XRCC5: variants seen among roughly 807,000 people sequenced by gnomAD.
The protein encoded by XRCC5 is X-ray repair cross complementing 5, also known as DNA repair protein Ku80.
In XRCC5, 12 loss-of-function variants were observed where a neutral mutation model predicts 95.7. The observed-to-expected ratio is 0.13, with a 90% CI of 0.08 to 0.20. XRCC5 has a LOEUF of 0.20. Ranked by LOEUF, XRCC5 falls within the 10% of genes least tolerant of loss-of-function variation. The pLI is 1.00. For missense variants in XRCC5, 595 were observed against 873.9 expected (o/e 0.68, Z 4.02); for synonymous variants, 281 against 290.3 (o/e 0.97, Z 0.33).
chr2:216,120,602 G>A lies in XRCC5; in HGVS notation c.491+1437G>A, dbSNP rs1012271161. Among the ~76,000 whole-genome samples the A allele has an allele frequency of 5.9e-5, 9 of 151,662 alleles. No homozygotes were observed. The East Asian group carries it at 7.7e-4, about 13-fold the overall frequency. ...ATTTTTAATTTTTTTTTTTAGAAAC[G>A]TCTTCTGTAGTGGCATAGTTATAGC... On this transcript the variant is annotated intron_variant, in intron 5 of 20. Transcript: ENST00000392132.
intron 14 of XRCC5, among the ~76,000 whole-genome samples, chr2:216,155,410 A>G (rs1404688548): frequency 6.6e-6 from 1 of 152,180 alleles, no homozygotes; most frequent in East Asian, 1.9e-4. Context: ...GAGATCTTCA[A>G]TCTCAATTAG....
intron 10 of XRCC5, among the ~76,000 whole-genome samples, chr2:216,133,040 C>T (rs1697019494): frequency 6.6e-6 from 1 of 152,050 alleles, no homozygotes. Context: ...ATGTAGAAGG[C>T]TTGTTTGGGG....
chr2:216,188,023 C>G (rs1391932188), intron 16 of XRCC5, among the ~76,000 whole-genome samples: 1 of 152,044 alleles, frequency 6.6e-6, no homozygotes, highest in African/African-American at 2.4e-5. Context: ...CACACACTTT[C>G]TCTTCTTGGA....
intron 8 of XRCC5, chr2:216,127,966 G>A (rs965659610): frequency 5.2e-5 from 9 of 173,760 alleles, no homozygotes; most frequent in African/African-American, 2.1e-4. Flanking sequence ...CTAGCTAGGA[G>A]CATGTTTAAT....
In XRCC5 at chr2:216,127,547, G is replaced by A; in HGVS notation, c.810G>A (p.Glu270=). The A allele has an allele frequency of 6.3e-7, 1 of 1,598,984 alleles. No homozygotes were observed. The highest frequency in any genetic ancestry group is 1.1e-5 in the South Asian group (1 of 87,714). Residue 270 remains glutamate (E), a synonymous_variant, in exon 8 of 21, where the codon GAG becomes GAA. Coordinates refer to ENST00000392132, the MANE Select transcript of XRCC5 (RefSeq NM_021141.4). ...TTTTGGAATGTAAGATTCTACAGGA[G>A]AGAGTTAAAAAGACTTGGACAGTTG... ...RIAAYKSILQ[E]RVKKTWTVVD... is the part of the protein sequence containing the mutation.
At chr2:216,164,068 A>G (rs779347852) in intron 16 of XRCC5, among the ~76,000 whole-genome samples, 1 of 152,250 alleles carries the variant, frequency 6.6e-6, no homozygotes, top group Non-Finnish European at 1.5e-5. Flanking sequence ...GGAGTGATCA[A>G]GACACTTTCA....
At chr2:216,140,203 T>G (rs1319670509) in intron 12 of XRCC5, among the ~76,000 whole-genome samples, 5 of 152,238 alleles carry the variant, frequency 3.3e-5, no homozygotes, top group African/African-American at 1.2e-4. Flanking sequence ...AAATATCTGA[T>G]GATAAATATC....
Position 216,190,279 on chromosome 2 carries a change from C to G in XRCC5, c.1889C>G (p.Pro630Arg), listed in dbSNP as rs751167067. The change falls in exon 17 of 21, where the codon CCG becomes CGG. Residue 630 changes from proline to arginine, a missense_variant. Coordinates refer to ENST00000392132, the MANE Select transcript of XRCC5 (RefSeq NM_021141.4). ...CAGTTTTTGGATACTAATGAAACAC[C>G]GTATTTTATGAAGAGCATAGACTGC... The part of the protein sequence containing the change: ...IEQFLDTNET[P>R]YFMKSIDCIR... The G allele has an allele frequency of 6.2e-7, 1 of 1,613,916 alleles. No homozygotes were observed. Among genetic ancestry groups the G allele is most frequent in the Non-Finnish European group, 8.5e-7 (1 of 1,179,902 alleles).
At chr2:216,201,373 GTTTTTAC>G (rs1004215770) in intron 19 of XRCC5, among the ~76,000 whole-genome samples, 6 of 152,194 alleles carry the variant, frequency 3.9e-5, no homozygotes, top group Non-Finnish European at 8.8e-5. Flanking sequence ...GAAGTCATGT[GTTTTTAC>G]TTTGGGGGTC....
intron 13 of XRCC5, among the ~76,000 whole-genome samples, chr2:216,142,646 G>A (rs1429413667): frequency 5.3e-5 from 8 of 152,178 alleles, no homozygotes; most frequent in African/African-American, 1.9e-4. Flanking sequence ...TGCTCACAGA[G>A]GAGTAGAGGG....
intron 19 of XRCC5, among the ~76,000 whole-genome samples, chr2:216,199,134 A>G (rs971092546): frequency 6.6e-6 from 1 of 152,244 alleles, no homozygotes; most frequent in Non-Finnish European, 1.5e-5. Context: ...AAACTTGACT[A>G]TAATCACTGA....
At chr2:216,167,570 TTGTGTGTGTGTGTGTGTGTG>T (rs58499938) in intron 16 of XRCC5, among the ~76,000 whole-genome samples, 32 of 138,392 alleles carry the variant, frequency 2.3e-4, no homozygotes, top group African/African-American at 6.9e-4. Context: ...GTGTGTGGGT[TTGTGTGTGTGTGTGTGTGTG>T]TGTGTGTGTG....
chr2:216,205,178 T>C lies in XRCC5; in HGVS notation c.2185-10T>C. On this transcript the variant is annotated splice_polypyrimidine_tract_variant and intron_variant, in intron 20 of 20. Transcript: ENST00000392132. ...TGATTCCTTTCTAAGTGTGTTGTTC[T>C]TGTTCACAGTTGGACATGATATAGG... 1 of 1,613,936 alleles carries C rather than the reference T, an allele frequency of 6.2e-7. No homozygotes were observed. Among genetic ancestry groups the C allele is most frequent in the Non-Finnish European group, 8.5e-7 (1 of 1,179,812 alleles).
intron 14 of XRCC5, among the ~76,000 whole-genome samples, chr2:216,155,602 G>C (rs1688826639): frequency 6.6e-6 from 1 of 152,160 alleles, no homozygotes; most frequent in South Asian, 2.1e-4. Context: ...AGGGGAAAAT[G>C]GTCTGTAAAC....
intron 14 of XRCC5, among the ~76,000 whole-genome samples, chr2:216,148,937 T>G (rs1196909599): frequency 6.6e-6 from 1 of 152,244 alleles, no homozygotes; most frequent in Non-Finnish European, 1.5e-5. Flanking sequence ...TTGTTGTTGC[T>G]TATCCAGAAT....
intron 16 of XRCC5, among the ~76,000 whole-genome samples, chr2:216,170,117 GTTT>G (rs917221687): frequency 6.8e-6 from 1 of 147,048 alleles, no homozygotes; most frequent in Non-Finnish European, 1.5e-5. Context: ...CTCAGTTAAG[GTTT>G]TCTGGGATCC....
intron 13 of XRCC5, among the ~76,000 whole-genome samples, chr2:216,146,241 C>T (rs1461247889): frequency 1.3e-5 from 2 of 152,186 alleles, no homozygotes; most frequent in Non-Finnish European, 2.9e-5. Context: ...CAGGGAGAAG[C>T]GCATGGAATT....
intron 16 of XRCC5, among the ~76,000 whole-genome samples, chr2:216,179,209 C>T (rs1689335763): frequency 6.6e-6 from 1 of 152,162 alleles, no homozygotes; most frequent in African/African-American, 2.4e-5. Flanking sequence ...ATTCTTGCAT[C>T]CCTTGACTTA....
intron 10 of XRCC5, among the ~76,000 whole-genome samples, chr2:216,134,955 G>GT (rs2106011276): frequency 6.6e-6 from 1 of 152,266 alleles, no homozygotes; most frequent in African/African-American, 2.4e-5. Context: ...ACTTGGCTTT[G>GT]TTTTTTCACA....
Sources: gnomAD v4.1 joint callset for allele counts (sites outside exome capture counted in the v4.1 genomes callset) on GRCh38, gnomAD v4.1.1 for gene constraint, MANE v1.5 for transcripts, NCBI Gene and HGNC (gene_info 2026-07-23, HGNC 2026-07-21) for gene names.